The following LAMA3 variants were observed in gnomAD, a reference collection of about 807,000 sequenced individuals.
LAMA3 encodes laminin subunit alpha 3.
In LAMA3, 281 loss-of-function variants were observed where a neutral mutation model predicts 402.0. The ratio of observed to expected loss-of-function variants is 0.70; its 90% CI spans 0.63 to 0.77. LAMA3 has a LOEUF of 0.77. Among genes scored for constraint, LAMA3 ranks in the 30% least tolerant of loss-of-function variants. The pLI is 0.00. For missense variants in LAMA3, 3,840 were observed against 4,215.5 expected (o/e 0.91, Z 2.47); for synonymous variants, 1,431 against 1,558.4 (o/e 0.92, Z 1.93).
At chr18:23,811,301 G>T (rs958500714) in intron 13 of LAMA3, among the ~76,000 whole-genome samples, 3 of 152,182 alleles carry the variant, frequency 2.0e-5, no homozygotes, top group Admixed American at 2.0e-4. Context: ...GTGAAGAGGT[G>T]TTTGTGGAAG....
chr18:23,736,398 A>C (rs369742477), intron 2 of LAMA3, among the ~76,000 whole-genome samples: 18 of 151,404 alleles, frequency 1.2e-4, no homozygotes, highest in East Asian at 3.9e-4. Context: ...TGTATGGTCA[A>C]TTAGTGAGAC....
Position 23,901,431 on chromosome 18 carries a change from T to G in LAMA3, c.6201+108T>G. 3.4e-6 allele frequency: 3 copies of G among 877,458 alleles called. No homozygotes were observed. In the South Asian group the frequency reaches 4.2e-5, roughly 12 times the overall value. 54.4% of individuals were successfully genotyped at this position (877,458 alleles called of 1,614,324 possible). ...GCCAGGCACCTGTCTGTACATCTCATTATACCACCTCAGACCCAGATCAGA... is the reference window on the plus strand; with the variant it reads ...GCCAGGCACCTGTCTGTACATCTCAGTATACCACCTCAGACCCAGATCAGA... On this transcript the variant is annotated intron_variant, in intron 48 of 74. Coordinates refer to ENST00000313654, the MANE Select transcript of LAMA3 (RefSeq NM_198129.4).
chr18:23,728,041 A>G (rs2061327806), intron 2 of LAMA3, among the ~76,000 whole-genome samples: 3 of 152,064 alleles, frequency 2.0e-5, no homozygotes, highest in African/African-American at 7.2e-5. Flanking sequence ...GGCCTACTGA[A>G]CCTTTTCTTC....
intron 67 of LAMA3, among the ~76,000 whole-genome samples, chr18:23,937,721 G>C (rs1049788771): frequency 5.9e-5 from 9 of 152,206 alleles, no homozygotes; most frequent in Non-Finnish European, 8.8e-5. Context: ...AGGAGCCCAG[G>C]CTGGGTTTTA....
intron 3 of LAMA3, 140 bp downstream of exon 3, chr18:23,748,200 G>T (rs1057455364): frequency 2.9e-6 from 2 of 690,218 alleles, no homozygotes; most frequent in Non-Finnish European, 5.3e-6. Context: ...AGGCCAAGGC[G>T]GGTGGATTAC....
chr18:23,782,795 CTTT>C (rs11446507), intron 11 of LAMA3, among the ~76,000 whole-genome samples: 4 of 136,038 alleles, frequency 2.9e-5, no homozygotes, highest in Non-Finnish European at 3.2e-5. Flanking sequence ...TTCTGAGCAT[CTTT>C]TTTTTTTTTT....
intron 37 of LAMA3, among the ~76,000 whole-genome samples, chr18:23,868,829 T>C (rs1029658634): frequency 6.6e-6 from 1 of 152,240 alleles, no homozygotes; most frequent in Non-Finnish European, 1.5e-5. Flanking sequence ...ACTTTTGTTA[T>C]ACTTATTTGG....
chr18:23,927,751 C>T (rs1168134347), intron 62 of LAMA3, among the ~76,000 whole-genome samples: 2 of 152,168 alleles, frequency 1.3e-5, no homozygotes, highest in African/African-American at 4.8e-5. Flanking sequence ...ATATGTATAT[C>T]ATATATCATC....
chr18:23,889,527 A>C (rs186511000), intron 41 of LAMA3, among the ~76,000 whole-genome samples: 107 of 151,804 alleles, frequency 7.0e-4, no homozygotes, highest in African/African-American at 2.5e-3. Flanking sequence ...GTGCCATTGT[A>C]CTCCAGCCTG....
At chr18:23,796,260 G>T in intron 12 of LAMA3, 1 of 220,486 alleles carries the variant, frequency 4.5e-6, no homozygotes, top group South Asian at 5.0e-5. Flanking sequence ...ATCTGGTTCT[G>T]ATTGGACCAC....
chr18:23,751,302 G>T (rs575812942), intron 5 of LAMA3, among the ~76,000 whole-genome samples: 1 of 152,092 alleles, frequency 6.6e-6, no homozygotes, highest in South Asian at 2.1e-4. Context: ...ATTCAAAGAA[G>T]ATGAAAGGCA....
rs550140177 is a variant in LAMA3, at chr18:23,833,890, T to G, written c.2886T>G (p.Tyr962Ter). ...GCCACTACGTGGTTGTGGTCGAGTA[T>G]TCCACGGAGGCAGCTCAGCTGTTTG... is the stretch of plus-strand genomic sequence containing the variant. ...QVGHYVVVVE[Y>*]STEAAQLFVV... Residue 962 changes from tyrosine (Y) to a stop codon, truncating the protein, a stop_gained, in exon 24 of 75, where the codon TAT becomes TAG. Transcript: ENST00000313654. LOFTEE classifies it high-confidence loss of function. 1.9e-5 allele frequency: 31 copies of G among 1,614,004 alleles called. No individual in the cohort carries two copies. The Admixed American group carries it at 3.2e-4, about 16-fold the overall frequency.
Position 23,909,284 on chromosome 18 carries a change from G to C in LAMA3, c.7147G>C (p.Ala2383Pro), listed in dbSNP as rs1335001446. 1 of 1,612,154 alleles carries C rather than the reference G, an allele frequency of 6.2e-7. No individual in the cohort carries two copies. The change falls in exon 55 of 75, where the codon GCT (alanine) becomes CCT (proline). Residue 2383 changes from alanine (A) to proline (P), a missense_variant. This residue lies in a region of LAMA3 where 891 missense variants were observed against 857.5 expected (regional missense o/e 1.04). Transcript: ENST00000313654. ...AGAACTAATTCAGCAGGCCAGAGAT[G>C]CTGCCAGTAAGGTGAGTGTGTCCCC... ...IRELIQQARD[A>P]ASKVAVPMRF...
At position 23,808,486 on chromosome 18, in the gene LAMA3, G is replaced by A. The variant is rs751040437; in HGVS notation, c.1604-1880G>A. ...ATGTGTTTTTGTATTTACCTCCACC[G>A]TAACACCTAGCAAGGGTGCTGCTGG... On this transcript the variant is annotated intron_variant, in intron 12 of 74. Transcript: ENST00000313654. 2.3e-4 allele frequency among the ~76,000 whole-genome samples: 35 copies of A among 152,222 alleles called. 1 individual carries two copies. The highest frequency in any genetic ancestry group is 3.3e-4 in the Admixed American group (5 of 15,280).
chr18:23,886,685 GT>G (rs550344064), intron 41 of LAMA3, among the ~76,000 whole-genome samples: 6 of 152,022 alleles, frequency 3.9e-5, no homozygotes, highest in Admixed American at 6.5e-5. Flanking sequence ...ACATTGTTTT[GT>G]TTAAACTTTA....
chr18:23,841,944 C>G (rs1304251592), intron 27 of LAMA3, among the ~76,000 whole-genome samples: 2 of 152,030 alleles, frequency 1.3e-5, no homozygotes, highest in Non-Finnish European at 2.9e-5. Context: ...TGGAGTCAGA[C>G]TCTTTATTGC....
In LAMA3 at chr18:23,904,024, C is replaced by G; in HGVS notation, c.6410C>G (p.Ser2137Cys). Residue 2137 changes from serine (S) to cysteine (C), a missense_variant, in exon 50 of 75, where the codon TCC (serine) becomes TGC (cysteine). By Grantham distance (112) the Ser-to-Cys change is moderately radical. Around this residue, in one of 3 missense-constraint regions of LAMA3, gnomAD observed 891 missense variants for 857.5 expected, o/e 1.04. Coordinates refer to ENST00000313654, the MANE Select transcript of LAMA3 (RefSeq NM_198129.4). ...RELSRSAGKT[S>C]LVEEAEKHAR... ...CTTTCCAGATCTGCTGGCAAAACAT[C>G]CCTTGTGGAGGAGGCAGAAAAGCAC... 6.2e-7 allele frequency: 1 copy of G among 1,614,144 alleles called. No homozygotes were observed. The highest frequency in any genetic ancestry group is 8.5e-7 in the Non-Finnish European group (1 of 1,180,040).
At position 23,943,942 on chromosome 18, in the gene LAMA3, G is replaced by A. The variant is rs757505898; in HGVS notation, c.9181G>A (p.Glu3061Lys). 1 of 1,614,128 alleles carries A rather than the reference G, an allele frequency of 6.2e-7. No homozygotes were observed. Among genetic ancestry groups the A allele is most frequent in the Non-Finnish European group, 8.5e-7 (1 of 1,179,984 alleles). Residue 3061 changes from glutamate to lysine, a missense_variant, in exon 69 of 75, where the codon GAG becomes AAG. Coordinates refer to ENST00000313654, the MANE Select transcript of LAMA3 (RefSeq NM_198129.4). Reference sequence around the variant, plus strand: ...GAAAAAATTGAGGATCAAAAGCAAGGAGAAATGCAATGATGGGAAATGGCA... The same window carrying A: ...GAAAAAATTGAGGATCAAAAGCAAGAAGAAATGCAATGATGGGAAATGGCA... ...DGKKLRIKSK[E>K]KCNDGKWHTV...
intron 34 of LAMA3, 30 bp from the exon 35 acceptor site, chr18:23,861,616 T>C: frequency 6.2e-7 from 1 of 1,613,744 alleles, no homozygotes; most frequent in Non-Finnish European, 8.5e-7. Flanking sequence ...CCAAGACGTT[T>C]CCATCCCTTG....
Sources: allele counts gnomAD v4.1 joint callset (sites outside exome capture counted in the v4.1 genomes callset), GRCh38; gene constraint gnomAD v4.1.1; regional missense constraint gnomAD v4.1.1; transcripts MANE v1.5; gene names NCBI Gene and HGNC (gene_info 2026-07-23, HGNC 2026-07-21).